Variants in MEDAG observed in about 807,000 individuals in gnomAD.
The protein encoded by MEDAG is mesenteric estrogen-dependent adipogenesis protein.
A neutral mutation model predicts 29.9 loss-of-function variants in MEDAG; 25 were observed. That is an observed-to-expected ratio of 0.84 (90% CI 0.61 to 1.17). The LOEUF (loss-of-function observed/expected upper bound fraction) is 1.17, where lower values mean the gene tolerates loss of function less well. Among genes scored for constraint, MEDAG ranks in the 50% most tolerant of loss-of-function variants. The probability of loss-of-function intolerance (pLI) is 0.00; values close to 1 mark genes in which losing one functional copy is unlikely to be tolerated. For missense variants in MEDAG, 398 were observed against 372.9 expected (o/e 1.07, Z -0.56); for synonymous variants, 158 against 148.2 (o/e 1.07, Z -0.48).
At chr13:30,923,579 T>A (rs952910730) in intron 4 of MEDAG, among the ~76,000 whole-genome samples, 1 of 152,182 alleles carries the variant, frequency 6.6e-6, no homozygotes, top group Non-Finnish European at 1.5e-5. Context: ...TGCAATCATG[T>A]GGAGGATTAT....
intron 1 of MEDAG, 57 bp downstream of exon 1, chr13:30,906,850 C>T (rs979848269): frequency 1.4e-6 from 2 of 1,400,244 alleles, no homozygotes; most frequent in Admixed American, 3.1e-5. Context: ...GACGCCTCCA[C>T]CCGGCTGCGG....
In MEDAG at chr13:30,906,746, C is replaced by T. The variant is rs1246929062; in HGVS notation, c.231C>T (p.Leu77=). 2 of 1,511,184 alleles carry T rather than the reference C, an allele frequency of 1.3e-6. No homozygotes were observed. The allele number at this position is 1,511,184 out of a possible 1,614,324, so 93.6% of individuals were successfully genotyped here. A position where few individuals can be genotyped will look rare whatever the true frequency, so the allele number is the denominator to read the frequency against. ...GCTTCAACGTCTTCGGTGACGGCCT[C>T]GTGCGCCTCGACGGGCAGCTCTACC... ...RGGFNVFGDG[L]VRLDGQLYRL... Residue 77 remains leucine, a synonymous_variant, in exon 1 of 5, where the codon CTC becomes CTT. Transcript: ENST00000380482.
At chr13:30,921,420 GAC>G (rs1952983929) in intron 3 of MEDAG, 139 bp from the exon 4 acceptor site, 1 of 876,936 alleles carries the variant, frequency 1.1e-6, no homozygotes, top group Admixed American at 3.2e-5. Flanking sequence ...AAAAAATAAA[GAC>G]AACAGTTTAA....
chr13:30,919,351 C>T (rs1029096731), intron 2 of MEDAG, among the ~76,000 whole-genome samples: 2 of 152,186 alleles, frequency 1.3e-5, no homozygotes, highest in East Asian at 3.8e-4. Context: ...CTAATGCTTC[C>T]CACAAGTTTG....
intron 1 of MEDAG, among the ~76,000 whole-genome samples, chr13:30,910,555 G>A (rs1171538133): frequency 7.2e-5 from 11 of 152,204 alleles, no homozygotes; most frequent in African/African-American, 2.7e-4. Context: ...AAATTACTTT[G>A]AACCTGAAAT....
chr13:30,920,426 A>G (rs1475480333), intron 2 of MEDAG, among the ~76,000 whole-genome samples: 1 of 151,942 alleles, frequency 6.6e-6, no homozygotes, highest in Non-Finnish European at 1.5e-5. Flanking sequence ...TCTCTGCAAA[A>G]AAAAATACAA....
intron 3 of MEDAG, among the ~76,000 whole-genome samples, 176 bp from the exon 4 acceptor site, chr13:30,921,385 T>C (rs113320120): frequency 5.2e-4 from 79 of 152,336 alleles, no homozygotes; most frequent in African/African-American, 1.9e-3. Context: ...AGATGGAATA[T>C]GATGCAAATG....
chr13:30,916,051 G>A, intron 1 of MEDAG: 1 of 152,180 alleles, frequency 6.6e-6, no homozygotes, highest in Non-Finnish European at 1.5e-5. Context: ...AAGCATTTTA[G>A]AGGCTCCATC....
rs199983939 is a variant in MEDAG at position 30,906,485 on chromosome 13, A to G, written c.-31A>G. 1.9e-5 allele frequency: 28 copies of G among 1,459,006 alleles called. No individual in the cohort carries two copies. The highest frequency in any genetic ancestry group is 9.4e-5 in the Admixed American group (4 of 42,640). 90.4% of individuals were successfully genotyped at this position (1,459,006 alleles called of 1,614,324 possible). Reference sequence around the variant, plus strand: ...CTGGGGGCTGTAGGCACCGGACGGAAGCAGGCGGTGTGAGGACCGACGACG... The same window carrying G: ...CTGGGGGCTGTAGGCACCGGACGGAGGCAGGCGGTGTGAGGACCGACGACG... On this transcript the variant is annotated 5_prime_UTR_variant, in exon 1 of 5. Coordinates refer to ENST00000380482, the MANE Select transcript of MEDAG (RefSeq NM_032849.4).
intron 4 of MEDAG, chr13:30,922,622 T>A (rs1952999330): frequency 6.6e-6 from 1 of 152,210 alleles, no homozygotes; most frequent in South Asian, 2.1e-4. Flanking sequence ...GAATAACTCT[T>A]GAGAAGGTTT....
intron 2 of MEDAG, among the ~76,000 whole-genome samples, chr13:30,919,582 C>A (rs1041961114): frequency 6.6e-6 from 1 of 152,120 alleles, no homozygotes; most frequent in African/African-American, 2.4e-5. Flanking sequence ...CAGCTTATAT[C>A]TAAAGTGCCC....
In MEDAG at chr13:30,924,499, G is replaced by C; in HGVS notation, c.*64G>C. 1 of 1,508,320 alleles carries C rather than the reference G, an allele frequency of 6.6e-7. No individual in the cohort carries two copies. Among genetic ancestry groups the C allele is most frequent in the South Asian group, 1.3e-5 (1 of 76,190 alleles). The allele number at this position is 1,508,320 out of a possible 1,614,324, so 93.4% of individuals were successfully genotyped here. A position where few individuals can be genotyped will look rare whatever the true frequency, so the allele number is the denominator to read the frequency against. On this transcript the variant is annotated 3_prime_UTR_variant, in exon 5 of 5. Coordinates refer to ENST00000380482, the MANE Select transcript of MEDAG (RefSeq NM_032849.4). ...GCCTGTGCTAGACTATAGGCTGGGG[G>C]GAGGGTAGGAGGTGGGAGGCAGATA...
intron 2 of MEDAG, among the ~76,000 whole-genome samples, chr13:30,918,912 T>C (rs940343845): frequency 1.3e-5 from 2 of 152,184 alleles, no homozygotes; most frequent in African/African-American, 2.4e-5. Flanking sequence ...GAAAGCCAGA[T>C]AGTTCTTTAG....
At chr13:30,921,991 G>T in intron 4 of MEDAG, 145 bp downstream of exon 4, 1 of 876,226 alleles carries the variant, frequency 1.1e-6, no homozygotes, top group Non-Finnish European at 1.7e-6. Flanking sequence ...TAAGAAGTGG[G>T]GCATGTTTAT....
intron 4 of MEDAG, among the ~76,000 whole-genome samples, chr13:30,923,378 CCTG>C (rs140874074): frequency 0.015 from 2,242 of 152,136 alleles, 22 homozygotes; most frequent in Middle Eastern, 0.031. Context: ...GTTTTTCTCT[CCTG>C]CTCTTTCTCC....
chr13:30,913,134 CT>C (rs72337617), intron 1 of MEDAG, among the ~76,000 whole-genome samples: 6,048 of 152,298 alleles, frequency 0.04, 270 homozygotes, highest in African/African-American at 0.11. Flanking sequence ...CAAATCAGGA[CT>C]TGAATTAGAT....
intron 1 of MEDAG, among the ~76,000 whole-genome samples, chr13:30,915,241 T>A (rs529073202): frequency 5.4e-4 from 82 of 152,294 alleles, no homozygotes; most frequent in African/African-American, 1.7e-3. Flanking sequence ...CTAATGATGA[T>A]TTCAGCAACT....
rs114673010 is a variant in MEDAG at position 30,913,549 on chromosome 13, T to A, written c.279-3854T>A. ...CGCCCGGCTTTGCCCTGCCTTTTAA[T>A]CTTTGGATTGAAGCCAAGCTTAGAA... is the stretch of plus-strand genomic sequence containing the variant. On this transcript the variant is annotated intron_variant, in intron 1 of 4. Transcript: ENST00000380482. 9.1e-3 allele frequency among the ~76,000 whole-genome samples: 1,384 copies of A among 152,166 alleles called. 33 individuals carry two copies. Among genetic ancestry groups the A allele is most frequent in the African/African-American group, 0.032 (1,323 of 41,490 alleles).
At position 30,921,929 on chromosome 13, in the gene MEDAG, C is replaced by T. The variant is rs75242270; in HGVS notation, c.787+83C>T. On this transcript the variant is annotated intron_variant, in intron 4 of 4. Coordinates refer to ENST00000380482, the MANE Select transcript of MEDAG (RefSeq NM_032849.4). ...AATAATGGAAGAGAGTCAATTGATT[C>T]AAAAGGCAAGACCTATTAATGAAAG... 63 of 1,402,748 alleles carry T rather than the reference C, an allele frequency of 4.5e-5. No individual in the cohort carries two copies. In the East Asian group the frequency reaches 1.4e-3, roughly 32 times the overall value. 86.9% of individuals were successfully genotyped at this position (1,402,748 alleles called of 1,614,324 possible).
Sources: gnomAD v4.1 joint callset for allele counts (sites outside exome capture counted in the v4.1 genomes callset) on GRCh38, gnomAD v4.1.1 for gene constraint, MANE v1.5 for transcripts, NCBI Gene and HGNC (gene_info 2026-07-23, HGNC 2026-07-21) for gene names.